The following VPS13D variants were observed in gnomAD, a reference collection of about 807,000 sequenced individuals.
VPS13D encodes the protein vacuolar protein sorting 13 homolog D.
VPS13D carries 187 observed loss-of-function variants against 461.9 expected under a neutral mutation model. The observed-to-expected ratio is 0.40, with a 90% CI of 0.36 to 0.46. The LOEUF is 0.46. Ranked by LOEUF, VPS13D falls within the 20% of genes least tolerant of loss-of-function variation. The pLI is 0.60. For missense variants in VPS13D, 4,711 were observed against 5,364.9 expected, an observed-to-expected ratio of 0.88 and a Z score of 3.81; for synonymous variants, 1,951 against 1,986.3, an observed-to-expected ratio of 0.98 and a Z score of 0.47.
rs909689965 is a variant in VPS13D, at chr1:12,277,123, C to T, written c.3535C>T (p.Arg1179Trp). The stretch of plus-strand genomic sequence containing the variant: ...CCATAGGCTGAACTTACTGCTTCTT[C>T]GGACAGTGGGCATGGCAAATAGAGA... ...EIHRLNLLLL[R>W]TVGMANREKY... Residue 1179 changes from arginine (R) to tryptophan (W), a missense_variant, in exon 19 of 70, where the codon CGG (arginine) becomes TGG (tryptophan). Arg to Trp is a moderately radical substitution (Grantham distance 101). This residue lies in a region of VPS13D where 4,411 missense variants were observed against 4,937.8 expected (regional missense o/e 0.89). Transcript: ENST00000620676. 23 of 1,614,016 alleles carry T rather than the reference C, an allele frequency of 1.4e-5. No homozygotes were observed. The highest frequency in any genetic ancestry group is 4.5e-5 in the East Asian group (2 of 44,896).
At chr1:12,488,702 A>G (rs1645836747) in intron 67 of VPS13D, among the ~76,000 whole-genome samples, 1 of 150,222 alleles carries the variant, frequency 6.7e-6, no homozygotes, top group South Asian at 2.1e-4. Context: ...AGTAGTGAAA[A>G]TGTATGGTTT....
At chr1:12,480,301 G>A (rs574128185) in intron 67 of VPS13D, among the ~76,000 whole-genome samples, 3 of 152,190 alleles carry the variant, frequency 2.0e-5, no homozygotes, top group Non-Finnish European at 2.9e-5. Flanking sequence ...AGAAGCCTCC[G>A]CAGTAGACTG....
At chr1:12,304,183 A>C (rs988561198) in intron 25 of VPS13D, among the ~76,000 whole-genome samples, 2 of 152,198 alleles carry the variant, frequency 1.3e-5, no homozygotes, top group Non-Finnish European at 2.9e-5. Flanking sequence ...GCCGCATTTG[A>C]CCTTGATTAA....
chr1:12,361,576 T>C (rs902731976), intron 50 of VPS13D, among the ~76,000 whole-genome samples: 1 of 150,650 alleles, frequency 6.6e-6, no homozygotes, highest in Non-Finnish European at 1.5e-5. Flanking sequence ...TTTGTATTTT[T>C]AGTAGAGACG....
At chr1:12,316,105 G>A (rs1305232728) in intron 30 of VPS13D, among the ~76,000 whole-genome samples, 3 of 152,106 alleles carry the variant, frequency 2.0e-5, no homozygotes, top group African/African-American at 4.8e-5. Context: ...GTGAGCCACC[G>A]TGCCCGGCCG....
intron 67 of VPS13D, among the ~76,000 whole-genome samples, chr1:12,489,954 G>GC (rs1645853706): frequency 6.6e-6 from 1 of 152,196 alleles, no homozygotes; most frequent in South Asian, 2.1e-4. Flanking sequence ...GATCCTCTCA[G>GC]CCATTATATT....
Position 12,244,252 on chromosome 1 carries a change from T to C in VPS13D, c.182T>C (p.Ile61Thr), listed in dbSNP as rs150883485. The change falls in exon 4 of 70, where the codon ATT (isoleucine) becomes ACT (threonine). Residue 61 changes from isoleucine to threonine, a missense_variant. By Grantham distance (89) the Ile-to-Thr change is moderately conservative. Transcript: ENST00000620676. ...ACTTTCCTTCTCCTTCCAGGCTTCA[T>C]TGGGAAAGTAACCCTTCAGATTCCC... ...ELPFEVKAGFIGKVTLQIPFY... is the reference protein window; with the variant it reads ...ELPFEVKAGFTGKVTLQIPFY... The C allele has an allele frequency of 1.3e-5, 21 of 1,609,524 alleles. No individual in the cohort carries two copies. Among genetic ancestry groups the C allele is most frequent in the Admixed American group, 3.4e-5 (2 of 58,868 alleles).
intron 65 of VPS13D, among the ~76,000 whole-genome samples, chr1:12,434,169 T>C (rs2100313102): frequency 6.6e-6 from 1 of 152,316 alleles, no homozygotes; most frequent in East Asian, 1.9e-4. Flanking sequence ...TTACATATAC[T>C]GTGAAAGACA....
intron 30 of VPS13D, among the ~76,000 whole-genome samples, chr1:12,317,140 G>T (rs1330845250): frequency 6.6e-6 from 1 of 152,062 alleles, no homozygotes; most frequent in Non-Finnish European, 1.5e-5. Context: ...GTACTAGTGT[G>T]TGTAAACTTG....
rs1225282248 is a variant in VPS13D at position 12,299,763 on chromosome 1, A to C, written c.6216+379A>C. ...TTCTTTATATAAAAGCATTCCTTCT[A>C]TAATATAAACGTTTTAGACTCTGTG... On this transcript the variant is annotated intron_variant, in intron 25 of 69. Transcript: ENST00000620676. This position sits in a 1 kb window ranked among gnomAD's most constrained non-coding sequence, Gnocchi z 4.2. Among the ~76,000 whole-genome samples, 1 of 152,108 alleles carries C rather than the reference A, an allele frequency of 6.6e-6. No homozygotes were observed. The highest frequency in any genetic ancestry group is 2.4e-5 in the African/African-American group (1 of 41,412).
Position 12,396,029 on chromosome 1 carries a change from A to ATT in VPS13D, c.11635-4152_11635-4151insTT, listed in dbSNP as rs1553187933. Among the ~76,000 whole-genome samples the ATT allele has an allele frequency of 2.5e-3, 295 of 119,804 alleles. 28 individuals carry two copies. Among genetic ancestry groups the ATT allele is most frequent in the African/African-American group, 9.1e-3 (239 of 26,156 alleles). 78.6% of individuals were successfully genotyped at this position (119,804 alleles called of 152,430 possible). On this transcript the variant is annotated intron_variant, in intron 60 of 69. Coordinates refer to ENST00000620676, the MANE Select transcript of VPS13D (RefSeq NM_015378.4). ...TATATATATATATATATATATATAT[A>ATT]GTTCTTTAAGATCAATAAAATTAAT...
intron 66 of VPS13D, among the ~76,000 whole-genome samples, chr1:12,459,561 C>G (rs974093320): frequency 6.6e-6 from 1 of 151,452 alleles, no homozygotes; most frequent in Admixed American, 6.6e-5. Context: ...TCACTGCAAC[C>G]TCTGCCTCCT....
At chr1:12,453,106 C>T (rs1189442364) in intron 65 of VPS13D, among the ~76,000 whole-genome samples, 8 of 152,102 alleles carry the variant, frequency 5.3e-5, no homozygotes, top group Admixed American at 5.2e-4. Flanking sequence ...TAGAGAACAC[C>T]CAGGACCCAG....
At position 12,314,339 on chromosome 1, in the gene VPS13D, A is replaced by G. The variant is rs749976215; in HGVS notation, c.7148+12A>G. 1 of 1,604,162 alleles carries G rather than the reference A, an allele frequency of 6.2e-7. No individual in the cohort carries two copies. The highest frequency in any genetic ancestry group is 8.5e-7 in the Non-Finnish European group (1 of 1,172,044). ...GAACTACATTTCAGGTAGCAGGTCC[A>G]GACCCTTCTCTGCCTTTCTTTGTGG... On this transcript the variant is annotated intron_variant, in intron 30 of 69. Transcript: ENST00000620676.
In VPS13D at chr1:12,335,796, C is replaced by G. The variant is rs1643436469; in HGVS notation, c.8520C>G (p.Gly2840=). Reference sequence around the variant, plus strand: ...CAGCTAAATCAGAAGACTGGATGGGCTCTTCGGTGGATCCTCCATGTTTTG... The same window carrying G: ...CAGCTAAATCAGAAGACTGGATGGGGTCTTCGGTGGATCCTCCATGTTTTG... The part of the protein sequence containing the change: ...IESAKSEDWM[G]SSVDPPCFGQ... Residue 2840 remains glycine, a synonymous_variant, in exon 39 of 70, where the codon GGC becomes GGG. Transcript: ENST00000620676. 6.2e-7 allele frequency: 1 copy of G among 1,614,108 alleles called. No individual in the cohort carries two copies. Among genetic ancestry groups the G allele is most frequent in the South Asian group, 1.1e-5 (1 of 91,082 alleles).
intron 1 of VPS13D, among the ~76,000 whole-genome samples, chr1:12,231,083 C>T (rs907381398): frequency 2.6e-5 from 4 of 152,208 alleles, no homozygotes; most frequent in African/African-American, 9.6e-5. Flanking sequence ...TATTCCCGGT[C>T]TGGCCGCTCC....
chr1:12,362,685 G>GT (rs1643968779), intron 50 of VPS13D, 35 bp from the exon 51 acceptor site: 1 of 1,604,900 alleles, frequency 6.2e-7, no homozygotes, highest in African/African-American at 1.3e-5. Context: ...CTCTCTTCAT[G>GT]GTTAACTCAT....
chr1:12,358,089 T>C (rs1417605251), intron 49 of VPS13D, among the ~76,000 whole-genome samples: 1 of 152,124 alleles, frequency 6.6e-6, no homozygotes, highest in African/African-American at 2.4e-5. Context: ...CTTTTTAAAA[T>C]GAACCCTTGA....
chr1:12,395,373 T>G (rs1644481565), intron 60 of VPS13D, among the ~76,000 whole-genome samples: 1 of 152,226 alleles, frequency 6.6e-6, no homozygotes, highest in African/African-American at 2.4e-5. Flanking sequence ...GGTCCCATTC[T>G]TTTCCAATCA....
Sources: gnomAD v4.1 joint callset for allele counts (sites outside exome capture counted in the v4.1 genomes callset) on GRCh38, gnomAD v4.1.1 for gene constraint, gnomAD v4.1.1 regional missense constraint, Gnocchi (gnomAD v3.1) non-coding constraint, MANE v1.5 for transcripts, NCBI Gene and HGNC (gene_info 2026-07-23, HGNC 2026-07-21) for gene names.